SULF1: variants seen among roughly 807,000 people sequenced by gnomAD.
SULF1 encodes the protein sulfatase 1, also known as extracellular sulfatase Sulf-1.
Under a neutral mutation model 110.5 loss-of-function variants are expected in SULF1, and 46 were observed. That is an observed-to-expected ratio of 0.42 (90% CI 0.33 to 0.53). The LOEUF is 0.53. SULF1 is among the 20% of genes least tolerant of loss of function. SULF1 has a pLI of 0.12. For synonymous variants in SULF1, 371 were observed against 387.1 expected, an observed-to-expected ratio of 0.96 and a Z score of 0.49; for missense variants, 941 against 1,094.2, an observed-to-expected ratio of 0.86 and a Z score of 1.98.
intron 1 of SULF1, among the ~76,000 whole-genome samples, chr8:69,468,765 T>G (rs1334063915): frequency 6.6e-6 from 1 of 152,208 alleles, no homozygotes; most frequent in African/African-American, 2.4e-5. Context: ...AATACCATTT[T>G]TCACTACTGC....
intron 6 of SULF1, among the ~76,000 whole-genome samples, chr8:69,581,323 G>A (rs1056641502): frequency 1.3e-5 from 2 of 152,116 alleles, no homozygotes; most frequent in African/African-American, 4.8e-5. Flanking sequence ...TCAGATCTTT[G>A]GGTTAGTCAC....
At chr8:69,513,656 A>G (rs892645415) in intron 3 of SULF1, among the ~76,000 whole-genome samples, 3 of 152,208 alleles carry the variant, frequency 2.0e-5, no homozygotes, top group Admixed American at 1.3e-4. Context: ...GAGGTAATTT[A>G]ATTTGAACAA....
At chr8:69,476,037 C>G (rs944561708) in intron 1 of SULF1, among the ~76,000 whole-genome samples, 1 of 152,100 alleles carries the variant, frequency 6.6e-6, no homozygotes, top group African/African-American at 2.4e-5. Flanking sequence ...CTTCTTTTGA[C>G]TAAGAGACTG....
chr8:69,513,078 CTATT>C (rs1811687250), intron 3 of SULF1, among the ~76,000 whole-genome samples: 1 of 152,124 alleles, frequency 6.6e-6, no homozygotes, highest in African/African-American at 2.4e-5. Flanking sequence ...TATTATCTGT[CTATT>C]TATTCTTAGA....
At chr8:69,527,989 T>C (rs920927172) in intron 3 of SULF1, among the ~76,000 whole-genome samples, 2 of 152,168 alleles carry the variant, frequency 1.3e-5, no homozygotes, top group African/African-American at 2.4e-5. Flanking sequence ...AAGACCAGTT[T>C]GGAGAGGATA....
chr8:69,613,878 G>A (rs1808864769), intron 13 of SULF1, among the ~76,000 whole-genome samples: 1 of 151,858 alleles, frequency 6.6e-6, no homozygotes, highest in Non-Finnish European at 1.5e-5. Flanking sequence ...AAGCCAGGAG[G>A]AGCAAGTATT....
intron 22 of SULF1, among the ~76,000 whole-genome samples, chr8:69,643,707 G>A (rs1331138641): frequency 6.6e-6 from 1 of 151,782 alleles, no homozygotes; most frequent in Non-Finnish European, 1.5e-5. Context: ...TCCTTTTGCT[G>A]TTCCCTGTGT....
intron 6 of SULF1, among the ~76,000 whole-genome samples, chr8:69,580,688 G>C (rs1253796441): frequency 6.6e-6 from 1 of 152,162 alleles, no homozygotes; most frequent in Non-Finnish European, 1.5e-5. Context: ...TCACATATGA[G>C]TTAAATCTTA....
intron 7 of SULF1, among the ~76,000 whole-genome samples, chr8:69,588,640 G>A (rs866642517): frequency 6.6e-6 from 1 of 151,996 alleles, no homozygotes; most frequent in African/African-American, 2.4e-5. Flanking sequence ...ATATGTATCC[G>A]GTGTTTCATG....
intron 22 of SULF1, chr8:69,642,387 T>A: frequency 1.0e-6 from 1 of 987,180 alleles, no homozygotes; most frequent in Non-Finnish European, 1.2e-6. Flanking sequence ...TTTGGGTATA[T>A]GTTATAGCCA....
chr8:69,655,125 G>T (rs185507292), intron 22 of SULF1, among the ~76,000 whole-genome samples: 1 of 152,166 alleles, frequency 6.6e-6, no homozygotes, highest in East Asian at 1.9e-4. Context: ...GATCTATCCC[G>T]TCGGGGCTAC....
intron 8 of SULF1, among the ~76,000 whole-genome samples, chr8:69,589,962 C>T (rs1211364665): frequency 2.0e-5 from 3 of 152,140 alleles, no homozygotes; most frequent in African/African-American, 7.2e-5. Flanking sequence ...AGACAGGGAA[C>T]AGAAAATTGG....
intron 1 of SULF1, among the ~76,000 whole-genome samples, chr8:69,467,848 G>T (rs2583087): frequency 0.29 from 43,689 of 151,898 alleles, 6,426 homozygotes; most frequent in African/African-American, 0.33. Flanking sequence ...ATAGTCATCT[G>T]GTGCCTGAGC....
At chr8:69,592,919 G>A (rs1807017863) in intron 8 of SULF1, 1 of 987,234 alleles carries the variant, frequency 1.0e-6, no homozygotes, top group Non-Finnish European at 1.2e-6. Flanking sequence ...CATTCCAATG[G>A]AACAGACAGG....
intron 3 of SULF1, among the ~76,000 whole-genome samples, chr8:69,532,271 T>C (rs546266366): frequency 2.6e-5 from 4 of 152,228 alleles, no homozygotes; most frequent in Non-Finnish European, 4.4e-5. Context: ...CAAGTCATTC[T>C]ATGTCTTAAA....
intron 3 of SULF1, among the ~76,000 whole-genome samples, chr8:69,537,557 G>A (rs928850025): frequency 1.3e-5 from 2 of 152,078 alleles, no homozygotes; most frequent in African/African-American, 4.8e-5. Context: ...CATCTTAGGG[G>A]TACCCCAAGA....
chr8:69,505,272 A>T lies in SULF1; in HGVS notation c.-134+3304A>T, dbSNP rs1488918733. ...AAAAATGTTTACACCTATGGAACAG[A>T]TTGCTTTTGTGTATGTGTGTGAAGC... is the stretch of plus-strand genomic sequence containing the variant. On this transcript the variant is annotated intron_variant, in intron 3 of 22. Transcript: ENST00000402687. Among the ~76,000 whole-genome samples, 3 of 152,176 alleles carry T rather than the reference A, an allele frequency of 2.0e-5. No individual in the cohort carries two copies. The South Asian group carries it at 6.2e-4, about 32-fold the overall frequency.
At chr8:69,514,461 C>T (rs997928565) in intron 3 of SULF1, among the ~76,000 whole-genome samples, 1 of 152,180 alleles carries the variant, frequency 6.6e-6, no homozygotes, top group Non-Finnish European at 1.5e-5. Flanking sequence ...GTTCCACCTC[C>T]AACACTCAGG....
At chr8:69,560,902 G>C (rs1815438679) in intron 3 of SULF1, among the ~76,000 whole-genome samples, 1 of 152,292 alleles carries the variant, frequency 6.6e-6, no homozygotes, top group Middle Eastern at 3.4e-3. Context: ...GGCCAGACTA[G>C]TCAAAAAATT....
Sources: allele counts gnomAD v4.1 joint callset (sites outside exome capture counted in the v4.1 genomes callset), GRCh38; gene constraint gnomAD v4.1.1; transcripts MANE v1.5; gene names NCBI Gene and HGNC (gene_info 2026-07-23, HGNC 2026-07-21).